Variants in PJA2 observed in about 807,000 individuals in gnomAD.
The protein encoded by PJA2 is E3 ubiquitin-protein ligase Praja-2.
Under a neutral mutation model 69.3 loss-of-function variants are expected in PJA2, and 25 were observed. The observed-to-expected ratio is 0.36, with a 90% CI of 0.26 to 0.50. The LOEUF is 0.50. PJA2 is among the 20% of genes least tolerant of loss of function. The pLI, the probability that PJA2 is intolerant of heterozygous loss-of-function variation, is 0.96. For synonymous variants in PJA2, 308 were observed against 277.8 expected (o/e 1.11, Z -1.08); for missense variants, 809 against 830.2 (o/e 0.97, Z 0.31).
chr5:109,400,099 G>A (rs1417748487), intron 1 of PJA2, among the ~76,000 whole-genome samples: 1 of 151,904 alleles, frequency 6.6e-6, no homozygotes, highest in Admixed American at 6.6e-5. Flanking sequence ...AGATCAGCCT[G>A]ACCAACATAG....
chr5:109,396,942 T>C (rs1050246528), intron 1 of PJA2, among the ~76,000 whole-genome samples: 3 of 152,198 alleles, frequency 2.0e-5, no homozygotes, highest in African/African-American at 4.8e-5. Context: ...GTCAGTGCTA[T>C]GGTTTGAATG....
intron 1 of PJA2, among the ~76,000 whole-genome samples, chr5:109,387,735 C>T (rs1194588927): frequency 6.6e-6 from 1 of 152,146 alleles, no homozygotes; most frequent in Admixed American, 6.6e-5. Flanking sequence ...CAGATCTGGA[C>T]AGACAATAGG....
At chr5:109,367,145 T>A (rs392224) in intron 5 of PJA2, among the ~76,000 whole-genome samples, 66,616 of 127,648 alleles carry the variant, frequency 0.52, 16,265 homozygotes, top group Middle Eastern at 0.58. Context: ...AAAAAAAAAA[T>A]ATATATATAT....
chr5:109,353,805 T>G lies in PJA2; in HGVS notation c.1764+2110A>C, dbSNP rs1207127188. The stretch of plus-strand genomic sequence containing the variant: ...TAGATGTCTATGATATCTAGAGATA[T>G]CTATAGATTAGATGTCTATGATATC... On this transcript the variant is annotated intron_variant, in intron 7 of 9. Coordinates refer to ENST00000361189, the MANE Select transcript of PJA2 (RefSeq NM_014819.5). Among the ~76,000 whole-genome samples, 2 of 134,002 alleles carry G rather than the reference T, an allele frequency of 1.5e-5. 1 individual carries two copies. The highest frequency in any genetic ancestry group is 3.3e-5 in the Non-Finnish European group (2 of 61,084). The allele number at this position is 134,002 out of a possible 152,430, so 87.9% of individuals were successfully genotyped here.
At chr5:109,364,130 G>C (rs140988645) in intron 5 of PJA2, among the ~76,000 whole-genome samples, 4,633 of 152,172 alleles carry the variant, frequency 0.03, 91 homozygotes, top group Middle Eastern at 0.048. Flanking sequence ...GCAACAAAGC[G>C]AGACTGTGTC....
intron 1 of PJA2, among the ~76,000 whole-genome samples, chr5:109,404,899 T>A (rs747334961): frequency 2.6e-5 from 4 of 152,214 alleles, no homozygotes; most frequent in Non-Finnish European, 5.9e-5. Flanking sequence ...GAGAAGGATA[T>A]CTGCTTTCAC....
chr5:109,338,796 A>G (rs574390155), intron 9 of PJA2, among the ~76,000 whole-genome samples: 1 of 152,330 alleles, frequency 6.6e-6, no homozygotes, highest in East Asian at 1.9e-4. Context: ...AGTAACAATC[A>G]TTAGAAAACG....
chr5:109,362,879 T>C lies in PJA2; in HGVS notation c.1613A>G (p.Asp538Gly). The change falls in exon 6 of 10, where the codon GAT becomes GGT. Residue 538 changes from aspartate to glycine, a missense_variant. Transcript: ENST00000361189. ...TAAGTCTTCACTCACACTGGAGTCA[T>C]CCTCCAGGTTATTGTTACCATCCAA... ...FMLDGNNNLE[D>G]DSSVSEDLDV... The C allele has an allele frequency of 6.2e-7, 1 of 1,613,334 alleles. No individual in the cohort carries two copies. The highest frequency in any genetic ancestry group is 8.5e-7 in the Non-Finnish European group (1 of 1,179,454).
chr5:109,340,679 CACGGT>C (rs1762035268), intron 9 of PJA2, among the ~76,000 whole-genome samples: 2 of 37,824 alleles, frequency 5.3e-5, no homozygotes, highest in Admixed American at 2.8e-4. Context: ...TCCCTCTCCC[CACGGT>C]CTCCCTCTCA....
At chr5:109,365,602 G>A (rs1014094351) in intron 5 of PJA2, among the ~76,000 whole-genome samples, 3 of 151,636 alleles carry the variant, frequency 2.0e-5, no homozygotes, top group Non-Finnish European at 4.4e-5. Flanking sequence ...TAAAACAACT[G>A]TAATTTCATC....
chr5:109,406,695 C>T (rs747393037), intron 1 of PJA2, among the ~76,000 whole-genome samples: 26 of 151,944 alleles, frequency 1.7e-4, no homozygotes, highest in Non-Finnish European at 2.6e-4. Context: ...AAGATGTTCA[C>T]AAAAATTCAA....
rs542781497 is a variant in PJA2 at position 109,355,107 on chromosome 5, G to C, written c.1764+808C>G. 2.8e-4 allele frequency among the ~76,000 whole-genome samples: 43 copies of C among 152,282 alleles called. No homozygotes were observed. In the East Asian group the frequency reaches 8.3e-3, roughly 29 times the overall value. On this transcript the variant is annotated intron_variant, in intron 7 of 9. Transcript: ENST00000361189. ...CCACTGCACTCCAGCTTGGGTGACAGAGTGAGATCTCGTCTCAAAAATAAA... is the reference window on the plus strand; with the variant it reads ...CCACTGCACTCCAGCTTGGGTGACACAGTGAGATCTCGTCTCAAAAATAAA...
chr5:109,406,458 A>C (rs1288395476), intron 1 of PJA2, among the ~76,000 whole-genome samples: 1 of 152,232 alleles, frequency 6.6e-6, no homozygotes, highest in Non-Finnish European at 1.5e-5. Flanking sequence ...AATGCAAATC[A>C]AAATCCCAGT....
rs1761936694 is a variant in PJA2 at position 109,336,237 on chromosome 5, A to G, written c.*994T>C. 1 of 152,208 alleles carries G rather than the reference A, an allele frequency of 6.6e-6. No homozygotes were observed. Among genetic ancestry groups the G allele is most frequent in the Non-Finnish European group, 1.5e-5 (1 of 68,040 alleles). 9.4% of individuals were successfully genotyped at this position (152,208 alleles called of 1,614,324 possible). ...ATCAAATCACATTTGTAAGTGAACT[A>G]TTATGTCCATGTTTGCACATACTCG... is the stretch of plus-strand genomic sequence containing the variant. On this transcript the variant is annotated 3_prime_UTR_variant, in exon 10 of 10. Coordinates refer to ENST00000361189, the MANE Select transcript of PJA2 (RefSeq NM_014819.5).
chr5:109,359,956 G>A (rs948831952), intron 6 of PJA2, among the ~76,000 whole-genome samples: 2 of 152,024 alleles, frequency 1.3e-5, no homozygotes, highest in African/African-American at 2.4e-5. Flanking sequence ...ACTCATAAGT[G>A]GGTCAGAAAA....
intron 3 of PJA2, among the ~76,000 whole-genome samples, chr5:109,381,164 G>A (rs1747038568): frequency 6.6e-6 from 1 of 151,626 alleles, no homozygotes; most frequent in South Asian, 2.1e-4. Context: ...TATATGCAGG[G>A]AAAAAATATC....
intron 7 of PJA2, among the ~76,000 whole-genome samples, chr5:109,345,377 C>A (rs1052945028): frequency 1.0e-4 from 15 of 149,192 alleles, no homozygotes; most frequent in African/African-American, 3.7e-4. Flanking sequence ...AAAAGCAGGT[C>A]GTGGTAGTGT....
intron 1 of PJA2, among the ~76,000 whole-genome samples, chr5:109,403,557 C>CA (rs78887239): frequency 0.039 from 4,987 of 128,946 alleles, 100 homozygotes; most frequent in Middle Eastern, 0.06. Flanking sequence ...AACATAGATG[C>CA]AAAAAAAAAA....
chr5:109,351,623 A>T (rs80111221), intron 7 of PJA2, among the ~76,000 whole-genome samples: 4,624 of 152,222 alleles, frequency 0.03, 94 homozygotes, highest in Middle Eastern at 0.048. Flanking sequence ...TCAAAAGGTT[A>T]AAGATGTTTA....
Sources: allele counts gnomAD v4.1 joint callset (sites outside exome capture counted in the v4.1 genomes callset), GRCh38; gene constraint gnomAD v4.1.1; transcripts MANE v1.5; gene names NCBI Gene and HGNC (gene_info 2026-07-23, HGNC 2026-07-21).